Variants in EFL1 observed in about 807,000 individuals in gnomAD.
The protein encoded by EFL1 is elongation factor like GTPase 1, also known as elongation factor-like GTPase 1.
A neutral mutation model predicts 126.7 loss-of-function variants in EFL1; 76 were observed. The observed-to-expected ratio is 0.60, with a 90% CI of 0.50 to 0.73. EFL1 has a LOEUF of 0.73. Ranked by LOEUF, EFL1 falls within the 30% of genes least tolerant of loss-of-function variation. The probability of loss-of-function intolerance (pLI) is 0.00; values close to 1 mark genes in which losing one functional copy is unlikely to be tolerated. For synonymous variants in EFL1, 410 were observed against 448.4 expected, an observed-to-expected ratio of 0.91 and a Z score of 1.08; for missense variants, 1,128 against 1,343.2, an observed-to-expected ratio of 0.84 and a Z score of 2.50.
intron 4 of EFL1, among the ~76,000 whole-genome samples, chr15:82,246,416 C>T (rs2074973388): frequency 6.6e-6 from 1 of 152,016 alleles, no homozygotes; most frequent in African/African-American, 2.4e-5. Flanking sequence ...AGATCAAGGA[C>T]CAATTTCACA....
intron 15 of EFL1, among the ~76,000 whole-genome samples, chr15:82,179,123 A>T (rs984842729): frequency 2.6e-5 from 4 of 152,178 alleles, no homozygotes; most frequent in Non-Finnish European, 4.4e-5. Context: ...TAGCCAGGGC[A>T]ACAGAGTGAG....
chr15:82,240,308 C>G, intron 6 of EFL1, 110 bp downstream of exon 6: 1 of 1,025,800 alleles, frequency 9.7e-7, no homozygotes, highest in Admixed American at 2.8e-5. Context: ...ACGTATGAAT[C>G]TGAAGTGGAA....
intron 15 of EFL1, among the ~76,000 whole-genome samples, chr15:82,207,173 T>C (rs1342158015): frequency 6.6e-6 from 1 of 151,948 alleles, no homozygotes; most frequent in Non-Finnish European, 1.5e-5. Flanking sequence ...AATCTCATTA[T>C]CTACCCACAT....
At chr15:82,214,620 T>A in intron 15 of EFL1, 97 bp downstream of exon 15, 10 of 1,438,172 alleles carry the variant, frequency 7.0e-6, no homozygotes, top group Middle Eastern at 1.9e-4. Context: ...AACTAAAGAA[T>A]AAAGTTATTC....
intron 15 of EFL1, among the ~76,000 whole-genome samples, chr15:82,211,683 T>A (rs537905215): frequency 1.1e-4 from 16 of 150,084 alleles, no homozygotes; most frequent in Non-Finnish European, 2.4e-4. Context: ...GTTGCTTTTA[T>A]TAAACACCCT....
chr15:82,175,219 A>G (rs2074181779), intron 15 of EFL1, among the ~76,000 whole-genome samples: 1 of 152,192 alleles, frequency 6.6e-6, no homozygotes, highest in Non-Finnish European at 1.5e-5. Flanking sequence ...CTATTGCCCT[A>G]CGTCTGCATC....
Position 82,165,103 on chromosome 15 carries a change from T to C in EFL1, c.1751-1119A>G, listed in dbSNP as rs8028170. Among the ~76,000 whole-genome samples, 802 of 151,988 alleles carry C rather than the reference T, an allele frequency of 5.3e-3. 7 individuals carry two copies. Among genetic ancestry groups the C allele is most frequent in the African/African-American group, 0.019 (773 of 41,480 alleles). ...GCCTGGGTAACAGAGTGAGACTTCT[T>C]GCTACAAAAAATTCAGCCAGGCATG... On this transcript the variant is annotated intron_variant, in intron 15 of 19. Coordinates refer to ENST00000268206, the MANE Select transcript of EFL1 (RefSeq NM_024580.6).
rs371721527 is a variant in EFL1, at chr15:82,220,280, A to T, written c.1293-51T>A. 5.9e-6 allele frequency: 9 copies of T among 1,526,106 alleles called. No homozygotes were observed. The African/African-American group carries it at 1.1e-4, about 19-fold the overall frequency. The allele number at this position is 1,526,106 out of a possible 1,614,324, so 94.5% of individuals were successfully genotyped here. On this transcript the variant is annotated intron_variant, in intron 12 of 19. Transcript: ENST00000268206. ...CATCTCTCAGTTCATCCAAGTAGGG[A>T]AACAGCAAGCATTGACATGGCTGGG... is the stretch of plus-strand genomic sequence containing the variant.
intron 16 of EFL1, among the ~76,000 whole-genome samples, chr15:82,158,177 T>C (rs10152316): frequency 0.068 from 10,279 of 152,260 alleles, 516 homozygotes; most frequent in African/African-American, 0.13. Flanking sequence ...AACGAATGTA[T>C]ACATTATATA....
rs745854173 is a variant in EFL1 at position 82,230,958 on chromosome 15, C to T, written c.745G>A (p.Ala249Thr). The T allele has an allele frequency of 3.1e-6, 5 of 1,611,254 alleles. No homozygotes were observed. The highest frequency in any genetic ancestry group is 2.2e-5 in the East Asian group (1 of 44,812). The change falls in exon 8 of 20, where the codon GCC (alanine) becomes ACC (threonine). Residue 249 changes from alanine to threonine, a missense_variant. Transcript: ENST00000268206. ...CCAATTTTTTGACTGTAGATTCTGGCGAAGTGCTCAATTCTGAAAGAAGAC... is the reference window on the plus strand; with the variant it reads ...CCAATTTTTTGACTGTAGATTCTGGTGAAGTGCTCAATTCTGAAAGAAGAC... ...DGWGFGIEHF[A>T]RIYSQKIGIK... is the part of the protein sequence containing the mutation.
At chr15:82,133,762 T>G (rs1266166464) in intron 19 of EFL1, among the ~76,000 whole-genome samples, 3 of 152,228 alleles carry the variant, frequency 2.0e-5, no homozygotes, top group African/African-American at 7.2e-5. Flanking sequence ...GTTTTCAGAA[T>G]TGGTTATTCT....
intron 15 of EFL1, among the ~76,000 whole-genome samples, chr15:82,199,348 G>A (rs1458835350): frequency 6.6e-6 from 1 of 152,118 alleles, no homozygotes; most frequent in Non-Finnish European, 1.5e-5. Flanking sequence ...AGAGATCCTG[G>A]GCTTCACAAA....
At chr15:82,160,731 C>T (rs1218799669) in intron 16 of EFL1, among the ~76,000 whole-genome samples, 1 of 152,134 alleles carries the variant, frequency 6.6e-6, no homozygotes, top group Non-Finnish European at 1.5e-5. Context: ...TTCTTGGATT[C>T]CCACAAGTGA....
chr15:82,257,000 T>C (rs996379648), intron 3 of EFL1, among the ~76,000 whole-genome samples: 8 of 152,176 alleles, frequency 5.3e-5, no homozygotes, highest in African/African-American at 1.9e-4. Context: ...CTGCCGATTG[T>C]TGGGTTTTTC....
chr15:82,131,421 A>G (rs1052180556), intron 19 of EFL1, among the ~76,000 whole-genome samples: 5 of 152,168 alleles, frequency 3.3e-5, no homozygotes, highest in African/African-American at 1.2e-4. Context: ...CCTCCCAAGC[A>G]GCTAGGATTA....
chr15:82,135,564 C>A (rs2073711856), intron 19 of EFL1, among the ~76,000 whole-genome samples: 1 of 152,156 alleles, frequency 6.6e-6, no homozygotes, highest in Admixed American at 6.5e-5. Context: ...ATCATAGCTA[C>A]TTTACTCTGC....
At position 82,148,520 on chromosome 15, in the gene EFL1, T is replaced by A. The variant is rs575974281; in HGVS notation, c.2989+2945A>T. Among the ~76,000 whole-genome samples the A allele has an allele frequency of 6.6e-5, 10 of 152,238 alleles. No individual in the cohort carries two copies. The South Asian group carries it at 8.3e-4, about 13-fold the overall frequency. On this transcript the variant is annotated intron_variant, in intron 18 of 19. Transcript: ENST00000268206. ...GAAACTAGTATCATGTTACAGAGGA[T>A]AGCAAGAAAATAGGGGTTCGCAATA...
chr15:82,246,448 G>C lies in EFL1; in HGVS notation c.245-5045C>G, dbSNP rs78079376. ...CACACTGCTAATGCATGTCATTACT[G>C]TAAGGTGCTAGTCTCATTATCGGAG... is the stretch of plus-strand genomic sequence containing the variant. On this transcript the variant is annotated intron_variant, in intron 4 of 19. Transcript: ENST00000268206. Among the ~76,000 whole-genome samples, 9 of 151,996 alleles carry C rather than the reference G, an allele frequency of 5.9e-5. 1 individual carries two copies. The highest frequency in any genetic ancestry group is 2.2e-4 in the African/African-American group (9 of 41,358).
chr15:82,237,809 T>C (rs1367343961), intron 7 of EFL1, among the ~76,000 whole-genome samples: 1 of 149,820 alleles, frequency 6.7e-6, no homozygotes, highest in East Asian at 1.9e-4. Flanking sequence ...ATCCACACCA[T>C]GGAATACTAC....
Sources: gnomAD v4.1 joint callset for allele counts (sites outside exome capture counted in the v4.1 genomes callset) on GRCh38, gnomAD v4.1.1 for gene constraint, MANE v1.5 for transcripts, NCBI Gene and HGNC (gene_info 2026-07-23, HGNC 2026-07-21) for gene names.